The following DYRK1A variants were observed in gnomAD, a reference collection of about 807,000 sequenced individuals.
The protein encoded by DYRK1A is dual specificity tyrosine-phosphorylation-regulated kinase 1A.
Under a neutral mutation model 79.7 loss-of-function variants are expected in DYRK1A, and 9 were observed. The ratio of observed to expected loss-of-function variants is 0.11; its 90% CI spans 0.07 to 0.20. The LOEUF is 0.20. Ranked by LOEUF, DYRK1A falls within the 10% of genes least tolerant of loss-of-function variation. The pLI is 1.00. For synonymous variants in DYRK1A, 349 were observed against 329.7 expected, an observed-to-expected ratio of 1.06 and a Z score of -0.63; for missense variants, 622 against 956.0, an observed-to-expected ratio of 0.65 and a Z score of 4.61.
At chr21:37,407,411 C>G (rs1291956812) in intron 1 of DYRK1A, among the ~76,000 whole-genome samples, 1 of 152,080 alleles carries the variant, frequency 6.6e-6, no homozygotes, top group Non-Finnish European at 1.5e-5. Context: ...AATTTTGGAG[C>G]ATTTTGGAGT....
chr21:37,374,156 T>C (rs2049489538), intron 1 of DYRK1A, among the ~76,000 whole-genome samples: 1 of 151,980 alleles, frequency 6.6e-6, no homozygotes. Context: ...ACGTAAGCAA[T>C]ATTTGAAATC....
Position 37,434,209 on chromosome 21 carries a change from A to G in DYRK1A, c.10+13825A>G, listed in dbSNP as rs575082602. Among the ~76,000 whole-genome samples, 3 of 152,344 alleles carry G rather than the reference A, an allele frequency of 2.0e-5. No homozygotes were observed. The South Asian group carries it at 6.2e-4, about 32-fold the overall frequency. ...ACTCTGTCTTAATGAAATATACTTTACAAATGCTAGACGTCTTTCTGGAGA... is the reference window on the plus strand; with the variant it reads ...ACTCTGTCTTAATGAAATATACTTTGCAAATGCTAGACGTCTTTCTGGAGA... On this transcript the variant is annotated intron_variant, in intron 2 of 11. Transcript: ENST00000647188.
chr21:37,519,061 C>G lies in DYRK1A; in HGVS notation c.*6530C>G, dbSNP rs1330656472. The G allele has an allele frequency of 2.0e-5, 3 of 152,208 alleles. No homozygotes were observed. The highest frequency in any genetic ancestry group is 4.4e-5 in the Non-Finnish European group (3 of 68,044). The allele number at this position is 152,208 out of a possible 1,614,324, so 9.4% of individuals were successfully genotyped here. A position where few individuals can be genotyped will look rare whatever the true frequency, so the allele number is the denominator to read the frequency against. ...GCCAGATGTAAGTATATAAAACTTA[C>G]ACAGTTTGTTCCTTTTTGTTGTCTT... On this transcript the variant is annotated 3_prime_UTR_variant, in exon 12 of 12. Coordinates refer to ENST00000647188, the MANE Select transcript of DYRK1A (RefSeq NM_001347721.2).
chr21:37,521,767 A>G lies in DYRK1A; in HGVS notation c.*9236A>G, dbSNP rs1399570257. On this transcript the variant is annotated 3_prime_UTR_variant, in exon 12 of 12. Coordinates refer to ENST00000647188, the MANE Select transcript of DYRK1A (RefSeq NM_001347721.2). ...TGAGGAGGCTTGCCAGCATCAGTTTATAAGTGGACAGAGTCGAGAGCTATT... is the reference window on the plus strand; with the variant it reads ...TGAGGAGGCTTGCCAGCATCAGTTTGTAAGTGGACAGAGTCGAGAGCTATT... 6.6e-6 allele frequency: 1 copy of G among 152,270 alleles called. No individual in the cohort carries two copies. Among genetic ancestry groups the G allele is most frequent in the Non-Finnish European group, 1.5e-5 (1 of 68,088 alleles). 9.4% of individuals were successfully genotyped at this position (152,270 alleles called of 1,614,324 possible). A position where few individuals can be genotyped will look rare whatever the true frequency, so the allele number is the denominator to read the frequency against.
intron 2 of DYRK1A, among the ~76,000 whole-genome samples, chr21:37,451,027 G>T (rs571107565): frequency 6.6e-6 from 1 of 152,108 alleles, no homozygotes; most frequent in South Asian, 2.1e-4. Context: ...CTTGGCTTAC[G>T]TGTATGTGTA....
chr21:37,406,058 A>G (rs942528809), intron 1 of DYRK1A, among the ~76,000 whole-genome samples: 1 of 151,886 alleles, frequency 6.6e-6, no homozygotes, highest in African/African-American at 2.4e-5. Flanking sequence ...TTTCTTAAAA[A>G]TTTCAGGGGA....
In DYRK1A at chr21:37,453,696, T is replaced by C. The variant is rs1407853152; in HGVS notation, c.11-18988T>C. 2.0e-4 allele frequency among the ~76,000 whole-genome samples: 31 copies of C among 152,190 alleles called. 1 individual carries two copies. The highest frequency in any genetic ancestry group is 2.0e-3 in the Admixed American group (31 of 15,278). On this transcript the variant is annotated intron_variant, in intron 2 of 11. Transcript: ENST00000647188. Reference sequence around the variant, plus strand: ...CAGTTTGTTTGGCATAAACTTCTCATTGAAATGTATTATAACTCTTCCTTC... The same window carrying C: ...CAGTTTGTTTGGCATAAACTTCTCACTGAAATGTATTATAACTCTTCCTTC...
intron 2 of DYRK1A, among the ~76,000 whole-genome samples, chr21:37,463,203 C>CGTGTGTGTGT (rs6147501): frequency 0.11 from 16,222 of 145,222 alleles, 996 homozygotes; most frequent in Middle Eastern, 0.17. Flanking sequence ...AATGTTGGCA[C>CGTGTGTGTGT]GTGTGTGTGT....
At chr21:37,407,864 C>G (rs943564405) in intron 1 of DYRK1A, among the ~76,000 whole-genome samples, 7 of 152,182 alleles carry the variant, frequency 4.6e-5, no homozygotes, top group Non-Finnish European at 1.0e-4. Context: ...GAATCTGTCT[C>G]TATTGCCCAG....
intron 2 of DYRK1A, among the ~76,000 whole-genome samples, chr21:37,465,248 A>G (rs1004016608): frequency 4.6e-5 from 7 of 152,316 alleles, no homozygotes; most frequent in Admixed American, 2.0e-4. Flanking sequence ...TTTCTTGCCA[A>G]TTCACATTCA....
rs991834315 is a variant in DYRK1A, at chr21:37,480,700, G to A, written c.363G>A (p.Lys121=). 5 of 1,612,378 alleles carry A rather than the reference G, an allele frequency of 3.1e-6. No individual in the cohort carries two copies. The African/African-American group carries it at 6.7e-5, about 22-fold the overall frequency. ...GCCAGGGAGACGATTCTAGTCATAA[G>A]AAGGAACGGAAGGTTTACAATGATG... ...QQGQGDDSSH[K]KERKVYNDGY... is the part of the protein sequence containing the mutation. The change falls in exon 5 of 12, where the codon AAG becomes AAA. Residue 121 remains lysine, a synonymous_variant. Transcript: ENST00000647188.
At chr21:37,418,184 A>G (rs944318260) in intron 1 of DYRK1A, among the ~76,000 whole-genome samples, 5 of 152,192 alleles carry the variant, frequency 3.3e-5, no homozygotes, top group African/African-American at 4.8e-5. Context: ...AATAATCACT[A>G]GAGTCCTTAT....
intron 2 of DYRK1A, among the ~76,000 whole-genome samples, chr21:37,458,984 A>C (rs142270633): frequency 7.0e-4 from 106 of 152,322 alleles, no homozygotes; most frequent in African/African-American, 2.5e-3. Flanking sequence ...ACATTACTGC[A>C]TGTCAGGCTG....
chr21:37,450,613 T>G (rs1324438696), intron 2 of DYRK1A, among the ~76,000 whole-genome samples: 1 of 152,154 alleles, frequency 6.6e-6, no homozygotes, highest in Non-Finnish European at 1.5e-5. Context: ...CTGATACAGT[T>G]AGGGTGAAGT....
At position 37,367,562 on chromosome 21, in the gene DYRK1A, C is replaced by CGCG. The variant is rs1230562199; in HGVS notation, c.-139_-137dup. 3 of 147,268 alleles carry CGCG rather than the reference C, an allele frequency of 2.0e-5. No homozygotes were observed. Among genetic ancestry groups the CGCG allele is most frequent in the Admixed American group, 6.7e-5 (1 of 14,878 alleles). 9.1% of individuals were successfully genotyped at this position (147,268 alleles called of 1,614,324 possible). On this transcript the variant is annotated 5_prime_UTR_variant, in exon 1 of 12. Transcript: ENST00000647188. ...CTGGCTGCGGAGGCCGCGGCGGGAGCGCGGCGCGGGAGCCCGAGGCTGAGA... is the reference window on the plus strand; with the variant it reads ...CTGGCTGCGGAGGCCGCGGCGGGAGCGCGGCGGCGCGGGAGCCCGAGGCTGAGA...
chr21:37,516,175 A>T lies in DYRK1A; in HGVS notation c.*3644A>T, dbSNP rs1237249510. 6.6e-6 allele frequency: 1 copy of T among 152,166 alleles called. No individual in the cohort carries two copies. Among genetic ancestry groups the T allele is most frequent in the South Asian group, 2.1e-4 (1 of 4,824 alleles). The allele number at this position is 152,166 out of a possible 1,614,324, so 9.4% of individuals were successfully genotyped here. ...AAGACTCATTTTTATGTCCATTTTT[A>T]TAGTGGTAGACTGTATGTAATAGAC... On this transcript the variant is annotated 3_prime_UTR_variant, in exon 12 of 12. Coordinates refer to ENST00000647188, the MANE Select transcript of DYRK1A (RefSeq NM_001347721.2).
At chr21:37,378,214 T>C (rs2049586507) in intron 1 of DYRK1A, among the ~76,000 whole-genome samples, 1 of 152,266 alleles carries the variant, frequency 6.6e-6, no homozygotes, top group Admixed American at 6.5e-5. Context: ...AATTCATTCT[T>C]CATCAGATGT....
rs530868729 is a variant in DYRK1A at position 37,470,488 on chromosome 21, T to G, written c.11-2196T>G. 4.6e-5 allele frequency among the ~76,000 whole-genome samples: 7 copies of G among 152,338 alleles called. No homozygotes were observed. The South Asian group carries it at 1.5e-3, about 32-fold the overall frequency. On this transcript the variant is annotated intron_variant, in intron 2 of 11. Transcript: ENST00000647188. The stretch of plus-strand genomic sequence containing the variant: ...CTGTGTGCCTGTTGGTGGTATCTCA[T>G]TTAAACTTTGTAACAAGGAATAGGG...
At chr21:37,477,063 C>T (rs1306125809) in intron 3 of DYRK1A, among the ~76,000 whole-genome samples, 1 of 152,160 alleles carries the variant, frequency 6.6e-6, no homozygotes, top group Admixed American at 6.5e-5. Flanking sequence ...GTGATTTTTC[C>T]TGTTCTGTCC....
Sources: gnomAD v4.1 joint callset for allele counts (sites outside exome capture counted in the v4.1 genomes callset) on GRCh38, gnomAD v4.1.1 for gene constraint, MANE v1.5 for transcripts, NCBI Gene and HGNC (gene_info 2026-07-23, HGNC 2026-07-21) for gene names.